Variants in KIF2A observed in about 807,000 individuals in gnomAD.
KIF2A encodes kinesin-like protein KIF2A.
Under a neutral mutation model 100.2 loss-of-function variants are expected in KIF2A, and 22 were observed. The ratio of observed to expected loss-of-function variants is 0.22; its 90% CI spans 0.16 to 0.31. The LOEUF (loss-of-function observed/expected upper bound fraction) is 0.31, where lower values mean the gene tolerates loss of function less well. Among genes scored for constraint, KIF2A ranks in the 10% least tolerant of loss-of-function variants. The pLI is 1.00. For synonymous variants in KIF2A, 268 were observed against 285.9 expected (o/e 0.94, Z 0.63); for missense variants, 495 against 898.7 (o/e 0.55, Z 5.74).
chr5:62,342,169 G>A (rs545075900), intron 1 of KIF2A, among the ~76,000 whole-genome samples: 42 of 152,224 alleles, frequency 2.8e-4, no homozygotes, highest in African/African-American at 9.4e-4. Context: ...TATATTGTGG[G>A]GCTGCCACGG....
At chr5:62,352,521 C>A in intron 4 of KIF2A, 67 bp from the exon 5 acceptor site, 1 of 1,289,402 alleles carries the variant, frequency 7.8e-7, no homozygotes, top group Non-Finnish European at 1.0e-6. Context: ...CTATCTCTTC[C>A]TTTTACTAAG....
At chr5:62,344,686 T>C (rs918900575) in intron 1 of KIF2A, among the ~76,000 whole-genome samples, 1 of 152,212 alleles carries the variant, frequency 6.6e-6, no homozygotes, top group Non-Finnish European at 1.5e-5. Flanking sequence ...TGCAGCATCT[T>C]TTAATGGCAA....
intron 1 of KIF2A, among the ~76,000 whole-genome samples, chr5:62,330,340 AAAAG>A (rs1328476504): frequency 6.6e-6 from 1 of 152,126 alleles, no homozygotes; most frequent in Non-Finnish European, 1.5e-5. Context: ...GAGAGTGAGA[AAAAG>A]AAAGAGAAAA....
chr5:62,365,539 C>T (rs1340871794), intron 15 of KIF2A, among the ~76,000 whole-genome samples, 186 bp downstream of exon 15: 2 of 152,200 alleles, frequency 1.3e-5, no homozygotes, highest in East Asian at 1.9e-4. Flanking sequence ...TATATAATTC[C>T]AGCATCTAGG....
At chr5:62,313,389 G>T (rs1561245303) in intron 1 of KIF2A, among the ~76,000 whole-genome samples, 1 of 152,128 alleles carries the variant, frequency 6.6e-6, no homozygotes, top group Admixed American at 6.5e-5. Flanking sequence ...TCTCGCTCTT[G>T]TTGCTCAGGC....
rs189887393 is a variant in KIF2A at position 62,326,492 on chromosome 5, A to T, written c.64+19956A>T. On this transcript the variant is annotated intron_variant, in intron 1 of 20. Transcript: ENST00000407818. ...TACCCAACTACCAGCATCTGTGCCT[A>T]TATGACTGCCTTCCTTCCTTTGCTG... 8.3e-4 allele frequency among the ~76,000 whole-genome samples: 126 copies of T among 152,200 alleles called. 2 individuals carry two copies. In the South Asian group the frequency reaches 8.7e-3, roughly 11 times the overall value.
chr5:62,343,390 A>G (rs566146710), intron 1 of KIF2A, among the ~76,000 whole-genome samples: 64 of 152,236 alleles, frequency 4.2e-4, no homozygotes, highest in African/African-American at 1.5e-3. Flanking sequence ...TTTGTGACCC[A>G]TCTTTTGGGG....
intron 4 of KIF2A, among the ~76,000 whole-genome samples, chr5:62,351,002 C>T (rs1272121484): frequency 1.4e-4 from 21 of 151,852 alleles, no homozygotes; most frequent in Non-Finnish European, 2.5e-4. Flanking sequence ...GAGGCCGAGG[C>T]GGGCAGATAA....
chr5:62,336,162 G>A (rs1323376766), intron 1 of KIF2A, among the ~76,000 whole-genome samples: 1 of 152,196 alleles, frequency 6.6e-6, no homozygotes, highest in Non-Finnish European at 1.5e-5. Flanking sequence ...TCTAAGAGAT[G>A]GATGAGGCTG....
intron 1 of KIF2A, among the ~76,000 whole-genome samples, chr5:62,326,629 C>G (rs1191047508): frequency 6.6e-6 from 1 of 151,876 alleles, no homozygotes; most frequent in Non-Finnish European, 1.5e-5. Context: ...TGTGCTGCAT[C>G]AACAGTTATT....
intron 3 of KIF2A, among the ~76,000 whole-genome samples, chr5:62,348,563 T>C (rs1008585723): frequency 1.3e-5 from 2 of 152,188 alleles, no homozygotes; most frequent in African/African-American, 4.8e-5. Flanking sequence ...GCTATTTGTT[T>C]CTTAAAGAAA....
intron 16 of KIF2A, among the ~76,000 whole-genome samples, chr5:62,370,778 A>G (rs1580090338): frequency 6.6e-6 from 1 of 152,162 alleles, no homozygotes; most frequent in South Asian, 2.1e-4. Context: ...CTTGGGTAGA[A>G]GAGTGATTAG....
At chr5:62,345,962 T>C (rs2111902774) in intron 1 of KIF2A, among the ~76,000 whole-genome samples, 1 of 152,196 alleles carries the variant, frequency 6.6e-6, no homozygotes, top group Middle Eastern at 3.4e-3. Context: ...ATATATTCTG[T>C]TGGTGTGCTT....
At chr5:62,378,638 C>G (rs955768072) in intron 19 of KIF2A, among the ~76,000 whole-genome samples, 13 of 152,154 alleles carry the variant, frequency 8.5e-5, no homozygotes, top group African/African-American at 2.9e-4. Context: ...TAGAGTTTGG[C>G]CAGGCGCAGT....
intron 6 of KIF2A, among the ~76,000 whole-genome samples, 169 bp downstream of exon 6, chr5:62,353,544 C>T (rs188322854): frequency 2.2e-4 from 33 of 152,032 alleles, no homozygotes; most frequent in Non-Finnish European, 4.0e-4. Context: ...AATAAGTTAC[C>T]GTAACACATT....
intron 11 of KIF2A, 124 bp downstream of exon 11, chr5:62,361,653 A>G (rs1332249471): frequency 1.7e-6 from 1 of 575,650 alleles, no homozygotes; most frequent in African/African-American, 1.9e-5. Flanking sequence ...TATTATGTCA[A>G]TTATAGGTTA....
chr5:62,306,865 C>A, intron 1 of KIF2A: 1 of 347,130 alleles, frequency 2.9e-6, no homozygotes, highest in Non-Finnish European at 5.3e-6. Flanking sequence ...CCCGGGGACA[C>A]CAGCCCGGGA....
chr5:62,347,098 A>G, intron 1 of KIF2A, 32 bp from the exon 2 acceptor site: 1 of 1,268,354 alleles, frequency 7.9e-7, no homozygotes, highest in Non-Finnish European at 1.1e-6. Flanking sequence ...AATTTGTGGC[A>G]TTTTTAAGGT....
chr5:62,357,899 A>G lies in KIF2A; in HGVS notation c.709+154A>G, dbSNP rs149322802. Among the ~76,000 whole-genome samples, 740 of 152,276 alleles carry G rather than the reference A, an allele frequency of 4.9e-3. 4 individuals are homozygous for G. The highest frequency in any genetic ancestry group is 0.017 in the African/African-American group (700 of 41,570). ...GCAGATTTCTATGGCTAAACTTGTC[A>G]GTTTGTTATTGCTCTGAATCATTGC... is the stretch of plus-strand genomic sequence containing the variant. On this transcript the variant is annotated intron_variant, in intron 8 of 20. Coordinates refer to ENST00000407818, the MANE Select transcript of KIF2A (RefSeq NM_001098511.3).
Sources: gnomAD v4.1 joint callset for allele counts (sites outside exome capture counted in the v4.1 genomes callset) on GRCh38, gnomAD v4.1.1 for gene constraint, MANE v1.5 for transcripts, NCBI Gene and HGNC (gene_info 2026-07-23, HGNC 2026-07-21) for gene names.